ZFAND3: variants seen among roughly 807,000 people sequenced by gnomAD.
ZFAND3 encodes the protein AN1-type zinc finger protein 3.
ZFAND3 carries 10 observed loss-of-function variants against 29.6 expected under a neutral mutation model. That is an observed-to-expected ratio of 0.34 (90% CI 0.21 to 0.57). ZFAND3 has a LOEUF of 0.57. ZFAND3 is among the 20% of genes least tolerant of loss of function. The pLI is 0.86. For synonymous variants in ZFAND3, 128 were observed against 112.6 expected (o/e 1.14, Z -0.87); for missense variants, 230 against 304.5 (o/e 0.76, Z 1.82).
chr6:37,830,308 T>G (rs528747820), intron 1 of ZFAND3, among the ~76,000 whole-genome samples: 1 of 152,242 alleles, frequency 6.6e-6, no homozygotes, highest in South Asian at 2.1e-4. Context: ...GGGATTATAA[T>G]TGGGAATGAA....
intron 2 of ZFAND3, among the ~76,000 whole-genome samples, chr6:38,000,216 A>T (rs1762921418): frequency 1.3e-5 from 2 of 152,284 alleles, no homozygotes; most frequent in Non-Finnish European, 2.9e-5. Flanking sequence ...TCTCAGATTG[A>T]TATTGATCAT....
chr6:37,822,887 G>A (rs1763692338), intron 1 of ZFAND3, among the ~76,000 whole-genome samples: 1 of 152,088 alleles, frequency 6.6e-6, no homozygotes, highest in Admixed American at 6.5e-5. Context: ...TAGAGATAAG[G>A]GGGTCTGTTG....
intron 3 of ZFAND3, among the ~76,000 whole-genome samples, chr6:38,079,193 A>G (rs1426140683): frequency 1.3e-5 from 2 of 152,170 alleles, no homozygotes; most frequent in Non-Finnish European, 2.9e-5. Flanking sequence ...TTGCCAGACC[A>G]AATTTAACTC....
At chr6:37,971,685 C>T (rs1762389530) in intron 2 of ZFAND3, among the ~76,000 whole-genome samples, 1 of 151,992 alleles carries the variant, frequency 6.6e-6, no homozygotes, top group African/African-American at 2.4e-5. Context: ...TATATCTTGT[C>T]CTTATTAGCT....
At chr6:37,827,399 C>A (rs1763779608) in intron 1 of ZFAND3, among the ~76,000 whole-genome samples, 1 of 152,156 alleles carries the variant, frequency 6.6e-6, no homozygotes. Context: ...AAGCTACTCA[C>A]CTTTTTGAAA....
chr6:38,131,365 A>G (rs1765738019), intron 5 of ZFAND3, among the ~76,000 whole-genome samples: 1 of 152,152 alleles, frequency 6.6e-6, no homozygotes. Flanking sequence ...GAGTACTTCT[A>G]AGAAGTGTGG....
intron 2 of ZFAND3, among the ~76,000 whole-genome samples, chr6:37,941,101 T>A (rs1267725610): frequency 2.0e-5 from 3 of 152,220 alleles, no homozygotes; most frequent in African/African-American, 4.8e-5. Context: ...TATAGCTCCA[T>A]TTTACAGATA....
chr6:38,149,169 A>G (rs1766170111), intron 5 of ZFAND3, among the ~76,000 whole-genome samples: 1 of 152,016 alleles, frequency 6.6e-6, no homozygotes, highest in Non-Finnish European at 1.5e-5. Context: ...GCACTTGGAA[A>G]GGTCAAGGCG....
At chr6:37,988,355 T>C (rs767466106) in intron 2 of ZFAND3, among the ~76,000 whole-genome samples, 3 of 152,264 alleles carry the variant, frequency 2.0e-5, no homozygotes, top group Non-Finnish European at 4.4e-5. Flanking sequence ...TTGACCTTTA[T>C]GCTTTTACTC....
At chr6:37,891,465 ATGCCATGCCTG>A (rs1385519492) in intron 1 of ZFAND3, among the ~76,000 whole-genome samples, 9 of 144,480 alleles carry the variant, frequency 6.2e-5, no homozygotes, top group Admixed American at 3.5e-4. Context: ...GTGGCAGTGC[ATGCCATGCCTG>A]TAATCCTAGC....
At chr6:37,921,559 A>G (rs1474972012) in intron 1 of ZFAND3, among the ~76,000 whole-genome samples, 1 of 152,062 alleles carries the variant, frequency 6.6e-6, no homozygotes, top group Non-Finnish European at 1.5e-5. Flanking sequence ...AGTCTTGTGT[A>G]TGTGTCAGGA....
intron 3 of ZFAND3, among the ~76,000 whole-genome samples, chr6:38,069,274 T>G (rs1764406572): frequency 6.6e-6 from 1 of 152,208 alleles, no homozygotes; most frequent in South Asian, 2.1e-4. Flanking sequence ...TAAAAAATAT[T>G]TTATGACTTC....
chr6:37,873,324 ATTCT>A (rs1236981578), intron 1 of ZFAND3, among the ~76,000 whole-genome samples: 1 of 152,226 alleles, frequency 6.6e-6, no homozygotes, highest in Admixed American at 6.5e-5. Context: ...ACAATTAATC[ATTCT>A]TTCTGTGTGC....
rs1435077642 is a variant in ZFAND3 at position 38,041,756 on chromosome 6, C to T, written c.113-19837C>T. The stretch of plus-strand genomic sequence containing the variant: ...TCCTCCTCCTCCTCCTCCTCCTCCT[C>T]CTCCTCCTCCTCCTCCTCCTCCTCC... On this transcript the variant is annotated intron_variant, in intron 2 of 5. Coordinates refer to ENST00000287218, the MANE Select transcript of ZFAND3 (RefSeq NM_021943.3). Among the ~76,000 whole-genome samples the T allele has an allele frequency of 8.7e-3, 20 of 2,310 alleles. 7 individuals are homozygous for T. The highest frequency in any genetic ancestry group is 0.01 in the African/African-American group (20 of 1,966). 1.5% of individuals were successfully genotyped at this position (2,310 alleles called of 152,430 possible). A position where few individuals can be genotyped will look rare whatever the true frequency, so the allele number is the denominator to read the frequency against.
intron 1 of ZFAND3, among the ~76,000 whole-genome samples, chr6:37,823,632 T>G (rs1763706270): frequency 1.3e-5 from 2 of 152,194 alleles, no homozygotes; most frequent in Non-Finnish European, 2.9e-5. Context: ...GTTCCAGTTC[T>G]CTCCCTCTTG....
At chr6:37,986,873 T>A (rs1296662256) in intron 2 of ZFAND3, among the ~76,000 whole-genome samples, 1 of 152,028 alleles carries the variant, frequency 6.6e-6, no homozygotes, top group Non-Finnish European at 1.5e-5. Flanking sequence ...ACCTAATAAG[T>A]GACAACTATG....
chr6:37,924,530 C>T (rs1761446339), intron 1 of ZFAND3, among the ~76,000 whole-genome samples: 1 of 151,928 alleles, frequency 6.6e-6, no homozygotes. Context: ...GGAAGAGGAA[C>T]TGATTTAAAT....
At chr6:38,031,017 G>C (rs1416939828) in intron 2 of ZFAND3, among the ~76,000 whole-genome samples, 1 of 152,130 alleles carries the variant, frequency 6.6e-6, no homozygotes, top group African/African-American at 2.4e-5. Context: ...ACCTGAGATG[G>C]GGTAAAAGTA....
rs879763379 is a variant in ZFAND3 at position 38,066,878 on chromosome 6, C to G, written c.295+5103C>G. ...GGTAAATGAAGCAGGTATCTAAAAG[C>G]TCTTAAGTGATATTTCTGTATCTGA... is the stretch of plus-strand genomic sequence containing the variant. On this transcript the variant is annotated intron_variant, in intron 3 of 5. Transcript: ENST00000287218. 4.3e-4 allele frequency among the ~76,000 whole-genome samples: 65 copies of G among 152,146 alleles called. 3 individuals carry two copies. The highest frequency in any genetic ancestry group is 4.4e-5 in the Non-Finnish European group (3 of 68,020).
Sources: allele counts gnomAD v4.1 joint callset (sites outside exome capture counted in the v4.1 genomes callset), GRCh38; gene constraint gnomAD v4.1.1; transcripts MANE v1.5; gene names NCBI Gene and HGNC (gene_info 2026-07-23, HGNC 2026-07-21).